The following FANCA variants were observed in gnomAD, a reference collection of about 807,000 sequenced individuals.
The protein encoded by FANCA is FA complementation group A.
Under a neutral mutation model 194.3 loss-of-function variants are expected in FANCA, and 236 were observed. The observed-to-expected ratio is 1.21, with a 90% CI of 1.09 to 1.35. The LOEUF (loss-of-function observed/expected upper bound fraction) is 1.35. Among genes scored for constraint, FANCA ranks in the 40% most tolerant of loss-of-function variants. The pLI is 0.00. For synonymous variants in FANCA, 1,014 were observed against 715.8 expected, an observed-to-expected ratio of 1.42 and a Z score of -6.65; for missense variants, 2,628 against 1,813.9, an observed-to-expected ratio of 1.45 and a Z score of -8.15.
chr16:89,780,427 G>A (rs542376576), intron 17 of FANCA, among the ~76,000 whole-genome samples: 3 of 152,042 alleles, frequency 2.0e-5, no homozygotes, highest in African/African-American at 4.8e-5. Context: ...GTTCAAGCCC[G>A]GCCTGGGCAA....
At chr16:89,760,432 CCT>C (rs529602821) in intron 29 of FANCA, among the ~76,000 whole-genome samples, 1 of 152,192 alleles carries the variant, frequency 6.6e-6, no homozygotes, top group Non-Finnish European at 1.5e-5. Context: ...CTGGAAGGCC[CCT>C]GATGGCCGGA....
chr16:89,777,058 A>C (rs2039531145), intron 20 of FANCA, among the ~76,000 whole-genome samples: 1 of 152,148 alleles, frequency 6.6e-6, no homozygotes, highest in Non-Finnish European at 1.5e-5. Context: ...AAGCATTTAC[A>C]AAATGGCTGG....
At chr16:89,801,991 G>T (rs1188419113) in intron 8 of FANCA, among the ~76,000 whole-genome samples, 1 of 152,146 alleles carries the variant, frequency 6.6e-6, no homozygotes, top group African/African-American at 2.4e-5. Context: ...CAGCTGAAGA[G>T]ACATCTGTAC....
At position 89,742,919 on chromosome 16, in the gene FANCA, C is replaced by G. The variant is rs1262639465; in HGVS notation, c.3646G>C (p.Ala1216Pro). ...FASDFLSPEA[A>P]SPAPNPDWLS... is the part of the protein sequence containing the mutation. Reference sequence around the variant, plus strand: ...CAGTCCGGGTTGGGTGCTGGGGAGGCAGCCTCAGGGGAGAGGAAACTGGGA... The same window carrying G: ...CAGTCCGGGTTGGGTGCTGGGGAGGGAGCCTCAGGGGAGAGGAAACTGGGA... Residue 1216 changes from alanine to proline, a missense_variant, in exon 37 of 43, where the codon GCC (alanine) becomes CCC (proline). Coordinates refer to ENST00000389301, the MANE Select transcript of FANCA (RefSeq NM_000135.4). 6.2e-7 allele frequency: 1 copy of G among 1,614,046 alleles called. No individual in the cohort carries two copies. The highest frequency in any genetic ancestry group is 2.2e-5 in the East Asian group (1 of 44,884).
At chr16:89,801,343 C>CAAAAAA (rs60802306) in intron 8 of FANCA, among the ~76,000 whole-genome samples, 8 of 100,316 alleles carry the variant, frequency 8.0e-5, no homozygotes, top group South Asian at 3.2e-4. Flanking sequence ...GACTCTGTCT[C>CAAAAAA]AAAAAAAAAA....
intron 11 of FANCA, 23 bp from the exon 12 acceptor site, chr16:89,792,570 A>C (rs772444297): frequency 1.9e-6 from 3 of 1,609,000 alleles, no homozygotes; most frequent in East Asian, 2.2e-5. Flanking sequence ...AAACAGACAA[A>C]AACTTCAAGT....
intron 11 of FANCA, among the ~76,000 whole-genome samples, chr16:89,793,452 T>C (rs2040144251): frequency 1.3e-5 from 2 of 152,202 alleles, no homozygotes; most frequent in African/African-American, 4.8e-5. Context: ...TAAACAGTAA[T>C]TACTACCAAC....
Position 89,749,794 on chromosome 16 carries a change from G to C in FANCA, c.3175C>G (p.Leu1059Val), listed in dbSNP as rs964650941. ...FEIFRRRLQA[L>V]TSGWSVAASL... The stretch of plus-strand genomic sequence containing the variant: ...GCAGCCACGCTCCACCCGCTTGTCA[G>C]AGCCTGGAGCCGTCTGCGGAAAATC... The change falls in exon 32 of 43, where the codon CTG (leucine) becomes GTG (valine). Residue 1059 changes from leucine (L) to valine (V), a missense_variant. Physicochemically the swap from Leu to Val is conservative, Grantham distance 32. Transcript: ENST00000389301. The C allele has an allele frequency of 9.3e-6, 15 of 1,614,260 alleles. No homozygotes were observed. The highest frequency in any genetic ancestry group is 1.1e-5 in the Non-Finnish European group (13 of 1,180,050).
rs1297191247 is a variant in FANCA at position 89,738,865 on chromosome 16, G to T, written c.4260+17C>A. 3.7e-6 allele frequency: 6 copies of T among 1,614,210 alleles called. No homozygotes were observed. Among genetic ancestry groups the T allele is most frequent in the South Asian group, 1.1e-5 (1 of 91,076 alleles). ...TCATGTCCCCCACATGGCCCAAGGT[G>T]GGCATCTTGACGTTACCTCTGCCAC... On this transcript the variant is annotated intron_variant, in intron 42 of 42. Coordinates refer to ENST00000389301, the MANE Select transcript of FANCA (RefSeq NM_000135.4).
At chr16:89,763,289 CA>C (rs1443483664) in intron 28 of FANCA, among the ~76,000 whole-genome samples, 2 of 151,892 alleles carry the variant, frequency 1.3e-5, no homozygotes, top group East Asian at 1.9e-4. Context: ...AATAATTTCA[CA>C]AAAGGCTTGG....
chr16:89,791,080 G>A (rs559351072), intron 14 of FANCA: 3 of 338,098 alleles, frequency 8.9e-6, no homozygotes, highest in South Asian at 3.0e-5. Context: ...TGGTGTCCAG[G>A]CTTGATTTCG....
At chr16:89,763,449 T>C (rs990155215) in intron 28 of FANCA, among the ~76,000 whole-genome samples, 5 of 150,382 alleles carry the variant, frequency 3.3e-5, no homozygotes, top group Non-Finnish European at 1.5e-5. Flanking sequence ...GTGCTGGGAT[T>C]ATAGGCATGA....
chr16:89,767,218 A>T lies in FANCA; in HGVS notation c.2524T>A (p.Ser842Thr). The change falls in exon 27 of 43, where the codon TCT (serine) becomes ACT (threonine). Residue 842 changes from serine to threonine, a missense_variant. Physicochemically the swap from Ser to Thr is moderately conservative, Grantham distance 58 (BLOSUM62 1). Coordinates refer to ENST00000389301, the MANE Select transcript of FANCA (RefSeq NM_000135.4). ...FCLKFCTAAI[S>T]YSLCKFSSQS... is the part of the protein sequence containing the mutation. The stretch of plus-strand genomic sequence containing the variant: ...GAAGAAAACTTGCAGAGAGAGTAAG[A>T]AATTGCTGCTGTACAAAATCTGAAA... 6.2e-7 allele frequency: 1 copy of T among 1,612,850 alleles called. No homozygotes were observed. The highest frequency in any genetic ancestry group is 1.1e-5 in the South Asian group (1 of 91,062).
intron 29 of FANCA, 129 bp from the exon 30 acceptor site, chr16:89,758,834 G>A (rs1304689017): frequency 9.1e-6 from 13 of 1,422,138 alleles, no homozygotes; most frequent in African/African-American, 8.4e-5. Flanking sequence ...CTGGCGGCTC[G>A]GGACCTTGGA....
rs775799529 is a variant in FANCA, at chr16:89,748,721, G to C, written c.3286C>G (p.Gln1096Glu). 5.0e-6 allele frequency: 8 copies of C among 1,614,126 alleles called. No individual in the cohort carries two copies. In the South Asian group the frequency reaches 7.7e-5, roughly 16 times the overall value. The change falls in exon 33 of 43, where the codon CAG becomes GAG. Residue 1096 changes from glutamine to glutamate, a missense_variant. Gln to Glu is a conservative substitution (Grantham distance 29). Transcript: ENST00000389301. ...CTGGCAGTGATGGGCTGTTCTGCCT[G>C]GAAGCTGCTGCCGCAGAGGACAGAC... ...PSSVLCGSSF[Q>E]AEQPITARCE...
chr16:89,807,178 G>GTTT lies in FANCA; in HGVS notation c.596+1113_596+1115dup, dbSNP rs1372752404. ...AAGATGTGTATATCCTAGGAAGCAG[G>GTTT]TTTTTCTTTTTTTTTTTTTTTTTGA... On this transcript the variant is annotated intron_variant, in intron 6 of 42. Transcript: ENST00000389301. 3.7e-4 allele frequency among the ~76,000 whole-genome samples: 55 copies of GTTT among 147,806 alleles called. 1 individual carries two copies. The highest frequency in any genetic ancestry group is 1.4e-3 in the African/African-American group (54 of 39,154).
rs1291524243 is a variant in FANCA at position 89,799,203 on chromosome 16, G to C, written c.856C>G (p.Gln286Glu). 4 of 1,614,100 alleles carry C rather than the reference G, an allele frequency of 2.5e-6. No homozygotes were observed. The highest frequency in any genetic ancestry group is 3.4e-6 in the Non-Finnish European group (4 of 1,180,026). The change falls in exon 10 of 43, where the codon CAG (glutamine) becomes GAG (glutamate). Residue 286 changes from glutamine to glutamate, a missense_variant. Physicochemically the swap from Gln to Glu is conservative, Grantham distance 29. Coordinates refer to ENST00000389301, the MANE Select transcript of FANCA (RefSeq NM_000135.4). Reference protein sequence around the residue: ...FALDALAAGVQEESSTHKIVR... With the variant: ...FALDALAAGVEEESSTHKIVR... ...ATCTTGTGAGTGGAGGACTCCTCCT[G>C]TACTCCAGCAGCCAAAGCGTCAAGT...
In FANCA at chr16:89,778,847, G is replaced by T; in HGVS notation, c.1780C>A (p.Pro594Thr). 1 of 1,614,044 alleles carries T rather than the reference G, an allele frequency of 6.2e-7. No homozygotes were observed. Among genetic ancestry groups the T allele is most frequent in the Non-Finnish European group, 8.5e-7 (1 of 1,180,030 alleles). The stretch of plus-strand genomic sequence containing the variant: ...GCCACACGGGAGTCAGGGACTTTGG[G>T]GAGCTGTGGGAAGAGAAGAGACCTG... ...LPALLTPRVL[P>T]KVPDSRVAFI... The change falls in exon 20 of 43, where the codon CCC becomes ACC. Residue 594 changes from proline to threonine, a missense_variant. By Grantham distance (38) the Pro-to-Thr change is conservative. Transcript: ENST00000389301.
chr16:89,800,182 G>A (rs1002441249), intron 8 of FANCA, among the ~76,000 whole-genome samples: 1 of 152,200 alleles, frequency 6.6e-6, no homozygotes, highest in Non-Finnish European at 1.5e-5. Flanking sequence ...ACTTTTGCAC[G>A]CAGAGTTTTG....
Sources: allele counts gnomAD v4.1 joint callset (sites outside exome capture counted in the v4.1 genomes callset), GRCh38; gene constraint gnomAD v4.1.1; transcripts MANE v1.5; gene names NCBI Gene and HGNC (gene_info 2026-07-23, HGNC 2026-07-21).